GRAMD4: variants seen among roughly 807,000 people sequenced by gnomAD.
GRAMD4 encodes GRAM domain containing 4, also known as GRAM domain-containing protein 4.
A neutral mutation model predicts 83.9 loss-of-function variants in GRAMD4; 25 were observed. The ratio of observed to expected loss-of-function variants is 0.30; its 90% CI spans 0.22 to 0.42. The LOEUF is 0.42. GRAMD4 is among the 10% of genes least tolerant of loss of function. GRAMD4 has a pLI of 1.00. For synonymous variants in GRAMD4, 336 were observed against 320.9 expected, an observed-to-expected ratio of 1.05 and a Z score of -0.50; for missense variants, 593 against 788.7, an observed-to-expected ratio of 0.75 and a Z score of 2.97.
chr22:46,609,274 G>A (rs2081395271), intron 1 of GRAMD4, among the ~76,000 whole-genome samples: 1 of 152,230 alleles, frequency 6.6e-6, no homozygotes, highest in Admixed American at 6.5e-5. Flanking sequence ...AGGAGCCTGG[G>A]TCCACCTTCT....
chr22:46,589,842 C>T (rs75184785), intron 1 of GRAMD4, among the ~76,000 whole-genome samples: 1 of 152,180 alleles, frequency 6.6e-6, no homozygotes, highest in East Asian at 1.9e-4. Flanking sequence ...CCCTGCCCTG[C>T]TCCCCAGCAG....
Position 46,622,002 on chromosome 22 carries a change from A to G in GRAMD4, c.-50+1437A>G, listed in dbSNP as rs922216677. 6.6e-6 allele frequency among the ~76,000 whole-genome samples: 1 copy of G among 152,176 alleles called. No homozygotes were observed. Among genetic ancestry groups the G allele is most frequent in the Admixed American group, 6.5e-5 (1 of 15,280 alleles). ...CCCTCCCCAAGGGCCGCTGTGAACC[A>G]TCCAGCAGGATGACCCTGGGTTTGG... is the stretch of plus-strand genomic sequence containing the variant. On this transcript the variant is annotated intron_variant, in intron 1 of 18. Coordinates refer to ENST00000406902, the MANE Select transcript of GRAMD4 (RefSeq NM_015124.5). The surrounding 1 kb of genome is among the most constrained non-coding windows in gnomAD (Gnocchi z 4.0).
At chr22:46,676,569 C>T in intron 17 of GRAMD4, 31 bp from the exon 18 acceptor site, 2 of 1,542,638 alleles carry the variant, frequency 1.3e-6, no homozygotes, top group South Asian at 1.2e-5. Context: ...CCAGGAGAGA[C>T]CTGTGGTGAC....
At chr22:46,651,774 T>C (rs1242309280) in intron 3 of GRAMD4, among the ~76,000 whole-genome samples, 1 of 152,108 alleles carries the variant, frequency 6.6e-6, no homozygotes, top group Non-Finnish European at 1.5e-5. Flanking sequence ...GGTGTGCACT[T>C]TTCTGGTGGG....
At chr22:46,617,695 C>G (rs1271935479), upstream of GRAMD4, among the ~76,000 whole-genome samples, 1 of 152,136 alleles carries the variant, frequency 6.6e-6, no homozygotes, top group African/African-American at 2.4e-5. Context: ...GCCACGCTGG[C>G]AAGTGGCCCC....
chr22:46,620,762 G>A lies in GRAMD4; in HGVS notation c.-50+197G>A, dbSNP rs147795912. On this transcript the variant is annotated intron_variant, in intron 1 of 18. Coordinates refer to ENST00000406902, the MANE Select transcript of GRAMD4 (RefSeq NM_015124.5). This position sits in a 1 kb window ranked among gnomAD's most constrained non-coding sequence, Gnocchi z 4.7. Reference sequence around the variant, plus strand: ...CAGACCCCACCGGTAAAGCACCTGCGCAGCCCGGGGCCAGGGGTCCAGTGA... The same window carrying A: ...CAGACCCCACCGGTAAAGCACCTGCACAGCCCGGGGCCAGGGGTCCAGTGA... Among the ~76,000 whole-genome samples the A allele has an allele frequency of 3.9e-3, 594 of 152,290 alleles. 2 individuals carry two copies. The highest frequency in any genetic ancestry group is 0.012 in the African/African-American group (511 of 41,558).
intron 2 of GRAMD4, among the ~76,000 whole-genome samples, chr22:46,628,816 G>T (rs1435689542): frequency 6.6e-6 from 1 of 152,126 alleles, no homozygotes; most frequent in Non-Finnish European, 1.5e-5. Flanking sequence ...GTCAGAGCTG[G>T]CCGCTCCAGG....
intron 3 of GRAMD4, among the ~76,000 whole-genome samples, chr22:46,650,498 G>A (rs62233625): frequency 0.016 from 2,372 of 152,218 alleles, 30 homozygotes; most frequent in Non-Finnish European, 0.023. Flanking sequence ...GGCCTGAGCC[G>A]ATGCATCTCC....
chr22:46,597,060 A>G (rs185956723), intron 1 of GRAMD4, among the ~76,000 whole-genome samples: 23 of 152,218 alleles, frequency 1.5e-4, no homozygotes, highest in African/African-American at 5.3e-4. Flanking sequence ...CCTGCTTTCG[A>G]TAAGTCCTGC....
chr22:46,585,524 G>A (rs964727879), intron 1 of GRAMD4, among the ~76,000 whole-genome samples: 2 of 152,122 alleles, frequency 1.3e-5, no homozygotes, highest in African/African-American at 2.4e-5. Context: ...GGTTAACTTC[G>A]GCCCTAGACC....
intron 1 of GRAMD4, among the ~76,000 whole-genome samples, chr22:46,613,797 G>C (rs761198216): frequency 9.2e-5 from 14 of 152,210 alleles, no homozygotes; most frequent in Non-Finnish European, 8.8e-5. Flanking sequence ...GGGCTGCCCG[G>C]CTTGCTGCTT....
At chr22:46,600,816 T>C (rs1452943127) in intron 1 of GRAMD4, among the ~76,000 whole-genome samples, 1 of 152,240 alleles carries the variant, frequency 6.6e-6, no homozygotes, top group Non-Finnish European at 1.5e-5. Flanking sequence ...ATCTATTACA[T>C]GTTAACATAA....
chr22:46,607,058 C>T (rs1182272245), intron 1 of GRAMD4, among the ~76,000 whole-genome samples: 1 of 152,204 alleles, frequency 6.6e-6, no homozygotes, highest in Non-Finnish European at 1.5e-5. Context: ...CTGCTGCCGA[C>T]CCCACCTCAC....
intron 1 of GRAMD4, among the ~76,000 whole-genome samples, chr22:46,608,105 G>A (rs116650084): frequency 0.075 from 11,374 of 152,256 alleles, 725 homozygotes; most frequent in African/African-American, 0.18. Context: ...ATTGTGGTTC[G>A]TGGACATGCA....
In GRAMD4 at chr22:46,673,008, C is replaced by T. The variant is rs778498628; in HGVS notation, c.1239+11C>T. On this transcript the variant is annotated intron_variant, in intron 14 of 18. Transcript: ENST00000406902. ...GCAGTCTCACGCAGGGTGAGCCCGG[C>T]CCCCAGCTGCGGGGATGGGGGGATG... The T allele has an allele frequency of 1.1e-5, 17 of 1,567,572 alleles. No individual in the cohort carries two copies. In the East Asian group the frequency reaches 2.1e-4, roughly 19 times the overall value.
intron 3 of GRAMD4, among the ~76,000 whole-genome samples, chr22:46,651,847 T>TG (rs538788972): frequency 2.7e-5 from 4 of 150,926 alleles, no homozygotes; most frequent in Non-Finnish European, 4.4e-5. Context: ...GAGCTGGAGG[T>TG]GGGGGGGAGA....
At chr22:46,641,155 C>T (rs2081969914) in intron 3 of GRAMD4, among the ~76,000 whole-genome samples, 1 of 152,134 alleles carries the variant, frequency 6.6e-6, no homozygotes, top group African/African-American at 2.4e-5. Context: ...TCACTGTAAC[C>T]TTTGCCTGCC....
chr22:46,604,497 C>T (rs968016968), intron 1 of GRAMD4, among the ~76,000 whole-genome samples: 8 of 152,182 alleles, frequency 5.3e-5, no homozygotes, highest in Non-Finnish European at 1.2e-4. Flanking sequence ...CATTCATCCC[C>T]AGAACATCTG....
intron 1 of GRAMD4, among the ~76,000 whole-genome samples, chr22:46,582,246 G>T (rs1369069603): frequency 6.6e-6 from 1 of 152,180 alleles, no homozygotes; most frequent in Admixed American, 6.5e-5. Context: ...TGTCCCTGGG[G>T]AACAGGAGGG....
Sources: allele counts gnomAD v4.1 joint callset (sites outside exome capture counted in the v4.1 genomes callset), GRCh38; gene constraint gnomAD v4.1.1; non-coding constraint Gnocchi (gnomAD v3.1); transcripts MANE v1.5; gene names NCBI Gene and HGNC (gene_info 2026-07-23, HGNC 2026-07-21).